MYT1L: variants seen among roughly 807,000 people sequenced by gnomAD.
The protein encoded by MYT1L is myelin transcription factor 1-like protein.
A neutral mutation model predicts 126.7 loss-of-function variants in MYT1L; 12 were observed. The ratio of observed to expected loss-of-function variants is 0.09; its 90% CI spans 0.06 to 0.15. The LOEUF (loss-of-function observed/expected upper bound fraction) is 0.15. Ranked by LOEUF, MYT1L falls within the 10% of genes least tolerant of loss-of-function variation. MYT1L has a pLI of 1.00. For synonymous variants in MYT1L, 541 were observed against 604.2 expected (o/e 0.90, Z 1.53); for missense variants, 979 against 1,585.2 (o/e 0.62, Z 6.49).
intron 3 of MYT1L, among the ~76,000 whole-genome samples, chr2:2,170,516 A>C (rs1199596137): frequency 6.6e-6 from 1 of 152,242 alleles, no homozygotes; most frequent in Non-Finnish European, 1.5e-5. Flanking sequence ...GGTTCTACAA[A>C]AAAATGTTGG....
rs1393481368 is a variant in MYT1L, at chr2:2,070,200, GT to G, written c.-303-16078del. On this transcript the variant is annotated intron_variant, in intron 3 of 24. Coordinates refer to ENST00000647738, the MANE Select transcript of MYT1L (RefSeq NM_001303052.2). ...CTAATTTGAGTAAGAGAGATTAGCT[GT>G]AATAGTAAATTTATCATTCTTACCT... is the stretch of plus-strand genomic sequence containing the variant. Among the ~76,000 whole-genome samples, 4 of 152,150 alleles carry G rather than the reference GT, an allele frequency of 2.6e-5. No individual in the cohort carries two copies. The East Asian group carries it at 7.7e-4, about 29-fold the overall frequency.
Position 1,892,109 on chromosome 2 carries a change from G to T in MYT1L, c.2211C>A (p.Leu737=). The T allele has an allele frequency of 1.3e-6, 2 of 1,546,132 alleles. No homozygotes were observed. The highest frequency in any genetic ancestry group is 8.7e-7 in the Non-Finnish European group (1 of 1,146,614). ...EAAHMAATAI[L]NLSTRCREMP... is the part of the protein sequence containing the mutation. ...TCTCGCGGCAGCGCGTGGACAGGTTGAGGATGGCGGTGGCCGCCATGTGGG... is the reference window on the plus strand; with the variant it reads ...TCTCGCGGCAGCGCGTGGACAGGTTTAGGATGGCGGTGGCCGCCATGTGGG... Residue 737 remains leucine (L), a synonymous_variant, in exon 15 of 25, where the codon CTC becomes CTA. Coordinates refer to ENST00000647738, the MANE Select transcript of MYT1L (RefSeq NM_001303052.2).
intron 4 of MYT1L, among the ~76,000 whole-genome samples, chr2:2,001,748 C>T (rs1246086381): frequency 2.6e-5 from 4 of 152,218 alleles, no homozygotes; most frequent in Non-Finnish European, 4.4e-5. Flanking sequence ...GGAACAACGT[C>T]AGGACCTCCT....
chr2:2,179,341 G>C (rs1362414478), intron 2 of MYT1L, among the ~76,000 whole-genome samples: 2 of 152,134 alleles, frequency 1.3e-5, no homozygotes, highest in African/African-American at 4.8e-5. Flanking sequence ...GAAGCCCCTA[G>C]GCTCAGATAC....
intron 8 of MYT1L, among the ~76,000 whole-genome samples, chr2:1,946,497 C>T (rs1558495921): frequency 6.6e-6 from 1 of 152,054 alleles, no homozygotes; most frequent in Non-Finnish European, 1.5e-5. Context: ...TCATTGCCAC[C>T]TTGCTGCGTG....
Position 2,230,008 on chromosome 2 carries a change from T to C in MYT1L, c.-421+54396A>G, listed in dbSNP as rs913589700. ...TCTCCTTTACCTTTATTTTTAACTG[T>C]TTACTCGCCTAACATAGATTTGACT... On this transcript the variant is annotated intron_variant, in intron 2 of 24. Transcript: ENST00000647738. Among the ~76,000 whole-genome samples the C allele has an allele frequency of 2.6e-5, 4 of 152,248 alleles. 1 individual carries two copies. Among genetic ancestry groups the C allele is most frequent in the South Asian group, 2.1e-4 (1 of 4,828 alleles).
intron 2 of MYT1L, among the ~76,000 whole-genome samples, chr2:2,260,112 A>G (rs2094925387): frequency 6.6e-6 from 1 of 152,140 alleles, no homozygotes; most frequent in African/African-American, 2.4e-5. Context: ...AGATGCACTC[A>G]CCGAGCACGG....
At chr2:2,168,034 G>C (rs1174275770) in intron 3 of MYT1L, among the ~76,000 whole-genome samples, 2 of 152,162 alleles carry the variant, frequency 1.3e-5, no homozygotes, top group Admixed American at 6.5e-5. Context: ...ATTTAGATAT[G>C]TGTTAAAATT....
intron 21 of MYT1L, among the ~76,000 whole-genome samples, chr2:1,834,938 C>T (rs1191183936): frequency 8.8e-5 from 10 of 113,484 alleles, no homozygotes; most frequent in Admixed American, 2.3e-4. Context: ...TACAGGTACT[C>T]CTCCACATAA....
chr2:2,020,161 A>G lies in MYT1L; in HGVS notation c.-157-22814T>C, dbSNP rs542010437. ...TGCCCAGCCGCCAGTGTAATTAGCT[A>G]TAGCTTGATTGTCAGGATTGGTGGG... On this transcript the variant is annotated intron_variant, in intron 4 of 24. Transcript: ENST00000647738. Among the ~76,000 whole-genome samples, 4 of 152,270 alleles carry G rather than the reference A, an allele frequency of 2.6e-5. No homozygotes were observed. In the South Asian group the frequency reaches 8.3e-4, roughly 32 times the overall value.
At chr2:1,830,541 CGGAAGGG>C (rs2040005809) in intron 21 of MYT1L, among the ~76,000 whole-genome samples, 4 of 151,326 alleles carry the variant, frequency 2.6e-5, no homozygotes, top group African/African-American at 4.9e-5. Context: ...TCTCGGCACC[CGGAAGGG>C]CTCACAGGGA....
chr2:2,133,287 C>T lies in MYT1L; in HGVS notation c.-304+39585G>A, dbSNP rs139046016. ...CTACATACAGTTAGTGTCAATCAAG[C>T]GCAACTTCTCCCAACATTTGCAAAT... On this transcript the variant is annotated intron_variant, in intron 3 of 24. Transcript: ENST00000647738. Among the ~76,000 whole-genome samples, 177 of 152,256 alleles carry T rather than the reference C, an allele frequency of 1.2e-3. 1 individual carries two copies. Among genetic ancestry groups the T allele is most frequent in the African/African-American group, 3.5e-3 (147 of 41,540 alleles).
intron 3 of MYT1L, among the ~76,000 whole-genome samples, chr2:2,135,147 C>T (rs1347144199): frequency 6.6e-6 from 1 of 152,174 alleles, no homozygotes; most frequent in Non-Finnish European, 1.5e-5. Flanking sequence ...TGTGTCCCCA[C>T]CCAAATCTCA....
At chr2:2,142,651 C>T (rs1015016597) in intron 3 of MYT1L, among the ~76,000 whole-genome samples, 2 of 152,070 alleles carry the variant, frequency 1.3e-5, no homozygotes, top group Non-Finnish European at 2.9e-5. Flanking sequence ...GCCTTGTGAG[C>T]TGATGTATAT....
chr2:1,863,564 C>T (rs10177562), intron 18 of MYT1L, among the ~76,000 whole-genome samples: 1 of 137,290 alleles, frequency 7.3e-6, no homozygotes, highest in East Asian at 1.9e-4. Flanking sequence ...GCCAGCCCGA[C>T]CCCCGGAAGG....
intron 23 of MYT1L, among the ~76,000 whole-genome samples, chr2:1,798,829 C>T (rs2034304437): frequency 6.6e-6 from 1 of 152,244 alleles, no homozygotes. Flanking sequence ...CCCCACGTTC[C>T]TCCTCCATAC....
chr2:2,220,760 T>C (rs1215812165), intron 2 of MYT1L, among the ~76,000 whole-genome samples: 2 of 152,078 alleles, frequency 1.3e-5, no homozygotes, highest in South Asian at 2.1e-4. Context: ...ACGATATATA[T>C]ATATATGGTT....
intron 2 of MYT1L, among the ~76,000 whole-genome samples, chr2:2,185,313 A>G (rs1428747857): frequency 6.6e-6 from 1 of 152,262 alleles, no homozygotes; most frequent in Non-Finnish European, 1.5e-5. Context: ...CTAGTCATTC[A>G]GTACTGTGTG....
At chr2:2,015,651 G>A (rs1034934237) in intron 4 of MYT1L, among the ~76,000 whole-genome samples, 3 of 152,166 alleles carry the variant, frequency 2.0e-5, no homozygotes, top group Non-Finnish European at 4.4e-5. Context: ...TTAGAGATAG[G>A]GAAAACCACA....
Sources: gnomAD v4.1 joint callset for allele counts (sites outside exome capture counted in the v4.1 genomes callset) on GRCh38, gnomAD v4.1.1 for gene constraint, MANE v1.5 for transcripts, NCBI Gene and HGNC (gene_info 2026-07-23, HGNC 2026-07-21) for gene names.